PTPRD: variants seen among roughly 807,000 people sequenced by gnomAD.
The protein encoded by PTPRD is receptor-type tyrosine-protein phosphatase delta.
Under a neutral mutation model 214.5 loss-of-function variants are expected in PTPRD, and 34 were observed. The observed-to-expected ratio is 0.16, with a 90% CI of 0.12 to 0.21. PTPRD has a LOEUF of 0.21. PTPRD is among the 10% of genes least tolerant of loss of function. The probability of loss-of-function intolerance (pLI) is 1.00; values close to 1 mark genes in which losing one functional copy is unlikely to be tolerated. For synonymous variants in PTPRD, 1,128 were observed against 845.7 expected (o/e 1.33, Z -5.79); for missense variants, 2,545 against 2,398.7 (o/e 1.06, Z -1.27).
chr9:8,939,744 T>A (rs186031343), intron 11 of PTPRD, among the ~76,000 whole-genome samples: 42 of 152,318 alleles, frequency 2.8e-4, no homozygotes, highest in African/African-American at 1.0e-3. Context: ...TCTAAAGTGT[T>A]AAACTATTTG....
chr9:9,976,914 G>A (rs1415020183), intron 4 of PTPRD, among the ~76,000 whole-genome samples: 1 of 151,854 alleles, frequency 6.6e-6, no homozygotes, highest in Admixed American at 6.6e-5. Flanking sequence ...TTGGCGATTG[G>A]TTTGGCAATA....
chr9:8,540,168 G>T (rs916267426), intron 14 of PTPRD, among the ~76,000 whole-genome samples: 3 of 152,044 alleles, frequency 2.0e-5, no homozygotes, highest in Non-Finnish European at 4.4e-5. Context: ...TTATATAGAA[G>T]TAAACTGTTA....
At chr9:10,240,146 GTTCATATAACCTAAATAAAATATAC>G (rs1443911027) in intron 3 of PTPRD, among the ~76,000 whole-genome samples, 3 of 151,902 alleles carry the variant, frequency 2.0e-5, no homozygotes, top group Non-Finnish European at 2.9e-5. Flanking sequence ...CTATGTGGTG[GTTCATATAACCTAAATAAAATATAC>G]TTCATATAAC....
chr9:10,383,524 G>A (rs2097858352), intron 2 of PTPRD, among the ~76,000 whole-genome samples: 1 of 151,750 alleles, frequency 6.6e-6, no homozygotes, highest in Admixed American at 6.6e-5. Flanking sequence ...TAAGTTTTTG[G>A]AAGACAATTC....
chr9:9,671,863 T>G (rs562115744), intron 7 of PTPRD, among the ~76,000 whole-genome samples: 2 of 152,180 alleles, frequency 1.3e-5, no homozygotes, highest in Admixed American at 6.5e-5. Flanking sequence ...ATCAGCAGCA[T>G]GAAAATGGAC....
chr9:10,122,672 C>A (rs2098785582), intron 3 of PTPRD, among the ~76,000 whole-genome samples: 1 of 152,164 alleles, frequency 6.6e-6, no homozygotes, highest in Non-Finnish European at 1.5e-5. Context: ...TCTAAATCAT[C>A]CTTAAAATTT....
chr9:9,740,995 C>A (rs1746806), intron 6 of PTPRD, among the ~76,000 whole-genome samples: 75,754 of 151,852 alleles, frequency 0.5, 22,635 homozygotes, highest in African/African-American at 0.83. Context: ...ATTTCAGACG[C>A]GATTTGAGAG....
In PTPRD at chr9:9,579,801, A is replaced by T. The variant is rs544283713; in HGVS notation, c.-286-5020T>A. Among the ~76,000 whole-genome samples the T allele has an allele frequency of 2.6e-5, 4 of 152,294 alleles. No homozygotes were observed. The East Asian group carries it at 7.7e-4, about 29-fold the overall frequency. ...CAGGGCTTTTAGTATGTCCTTTACC[A>T]GAATAATATCCATTGTACCCATTAA... On this transcript the variant is annotated intron_variant, in intron 7 of 45. Coordinates refer to ENST00000381196, the MANE Select transcript of PTPRD (RefSeq NM_002839.4).
intron 5 of PTPRD, among the ~76,000 whole-genome samples, chr9:9,915,162 A>G (rs931190793): frequency 6.6e-6 from 1 of 152,166 alleles, no homozygotes; most frequent in East Asian, 1.9e-4. Context: ...GACAACACAA[A>G]TGTGTCTACC....
intron 2 of PTPRD, among the ~76,000 whole-genome samples, chr9:10,607,586 A>C (rs2079792850): frequency 6.6e-6 from 1 of 151,928 alleles, no homozygotes; most frequent in South Asian, 2.1e-4. Flanking sequence ...CCCAGACTTC[A>C]GTGATTTAAA....
chr9:8,333,380 C>CCTGA (rs1843354755), intron 43 of PTPRD, among the ~76,000 whole-genome samples: 1 of 152,082 alleles, frequency 6.6e-6, no homozygotes, highest in South Asian at 2.1e-4. Flanking sequence ...GGAGAGACTG[C>CCTGA]CTGACTTCAT....
At chr9:9,572,355 T>A (rs1461765463) in intron 8 of PTPRD, among the ~76,000 whole-genome samples, 2 of 151,274 alleles carry the variant, frequency 1.3e-5, no homozygotes, top group Non-Finnish European at 3.0e-5. Context: ...TGTAAGAATG[T>A]TAGTCGAAGA....
At chr9:9,582,782 C>T (rs1362640760) in intron 7 of PTPRD, among the ~76,000 whole-genome samples, 1 of 151,910 alleles carries the variant, frequency 6.6e-6, no homozygotes, top group East Asian at 1.9e-4. Context: ...TCTGAACCTG[C>T]TATAATGTAT....
At chr9:8,705,916 A>C (rs2098196435) in intron 12 of PTPRD, among the ~76,000 whole-genome samples, 1 of 152,196 alleles carries the variant, frequency 6.6e-6, no homozygotes, top group African/African-American at 2.4e-5. Flanking sequence ...ATCAATAGTA[A>C]TAAAAATGGC....
In PTPRD at chr9:10,017,360, A is replaced by G. The variant is rs115521003; in HGVS notation, c.-472+16358T>C. ...ACTGTTTAAGTTATATGTGTTGCAT[A>G]TATTTAATTTTTTGGCTTTACTAAT... On this transcript the variant is annotated intron_variant, in intron 4 of 45. Transcript: ENST00000381196. Among the ~76,000 whole-genome samples the G allele has an allele frequency of 9.2e-3, 1,392 of 152,110 alleles. 17 individuals carry two copies. Among genetic ancestry groups the G allele is most frequent in the African/African-American group, 0.032 (1,311 of 41,514 alleles).
chr9:9,606,697 G>T (rs969584875), intron 7 of PTPRD, among the ~76,000 whole-genome samples: 1 of 151,768 alleles, frequency 6.6e-6, no homozygotes, highest in African/African-American at 2.4e-5. Flanking sequence ...CCAACCACCA[G>T]GGGGTAATAG....
At chr9:9,797,272 G>A (rs1419523204) in intron 5 of PTPRD, among the ~76,000 whole-genome samples, 3 of 120,822 alleles carry the variant, frequency 2.5e-5, no homozygotes, top group Admixed American at 1.9e-4. Context: ...TTTTAAACAG[G>A]CAGTTTAGTT....
chr9:10,174,493 A>G (rs2099233996), intron 3 of PTPRD, among the ~76,000 whole-genome samples: 1 of 152,148 alleles, frequency 6.6e-6, no homozygotes, highest in Admixed American at 6.6e-5. Context: ...TGTGAGCCAA[A>G]GAAACTTTTA....
intron 3 of PTPRD, among the ~76,000 whole-genome samples, chr9:10,043,890 A>G (rs900655374): frequency 8.6e-5 from 13 of 151,862 alleles, no homozygotes; most frequent in Non-Finnish European, 1.0e-4. Flanking sequence ...CAAAACAAGT[A>G]TTTTGATCAT....
Sources: gnomAD v4.1 joint callset for allele counts (sites outside exome capture counted in the v4.1 genomes callset) on GRCh38, gnomAD v4.1.1 for gene constraint, MANE v1.5 for transcripts, NCBI Gene and HGNC (gene_info 2026-07-23, HGNC 2026-07-21) for gene names.